Variants in CREBBP observed in about 807,000 individuals in gnomAD.
CREBBP encodes the protein CREB binding lysine acetyltransferase.
CREBBP carries 19 observed loss-of-function variants against 265.0 expected under a neutral mutation model. That is an observed-to-expected ratio of 0.07 (90% confidence interval 0.05 to 0.11). CREBBP has a LOEUF of 0.11. CREBBP is among the 10% of genes least tolerant of loss of function. The pLI is 1.00. For synonymous variants in CREBBP, 1,457 were observed against 1,223.7 expected, an observed-to-expected ratio of 1.19 and a Z score of -3.98; for missense variants, 2,525 against 3,219.0, an observed-to-expected ratio of 0.78 and a Z score of 5.22.
At chr16:3,806,303 G>A (rs538861858) in intron 3 of CREBBP, among the ~76,000 whole-genome samples, 23 of 152,222 alleles carry the variant, frequency 1.5e-4, no homozygotes, top group South Asian at 4.1e-4. Context: ...AGCAGCTGCC[G>A]TGGGCCCTGT....
chr16:3,758,123 T>C, intron 17 of CREBBP, 75 bp from the exon 18 acceptor site: 1 of 1,516,150 alleles, frequency 6.6e-7, no homozygotes, highest in South Asian at 1.2e-5. Context: ...GGCAGCTTTG[T>C]TTTAAAATAA....
intron 2 of CREBBP, among the ~76,000 whole-genome samples, chr16:3,826,408 C>T (rs1250983739): frequency 6.6e-6 from 1 of 152,006 alleles, no homozygotes; most frequent in African/African-American, 2.4e-5. Context: ...TGAGTCCTTC[C>T]AAAGAGGATG....
intron 19 of CREBBP, among the ~76,000 whole-genome samples, chr16:3,753,009 A>G (rs2052508648): frequency 6.6e-6 from 1 of 152,240 alleles, no homozygotes. Context: ...GTGGAGGTGG[A>G]TCACACAAGC....
chr16:3,848,633 A>T (rs991507769), intron 2 of CREBBP, among the ~76,000 whole-genome samples: 3 of 152,086 alleles, frequency 2.0e-5, no homozygotes, highest in African/African-American at 7.2e-5. Flanking sequence ...TCTTGAGATT[A>T]AAAAAAAGTT....
chr16:3,849,430 T>TGTGTGTGTGTGTGTGTG (rs2054752535), intron 2 of CREBBP, among the ~76,000 whole-genome samples: 3 of 8,576 alleles, frequency 3.5e-4, no homozygotes, highest in Admixed American at 1.6e-3. Flanking sequence ...TGTGTGTGTG[T>TGTGTGTGTGTGTGTGTG]GTGTGTGTGT....
chr16:3,771,768 C>T (rs1567300249), intron 13 of CREBBP, among the ~76,000 whole-genome samples: 1 of 150,268 alleles, frequency 6.7e-6, no homozygotes, highest in South Asian at 2.1e-4. Flanking sequence ...TGACAGAATT[C>T]ATCATGCAAC....
At chr16:3,779,738 TA>T (rs1394959925) in intron 8 of CREBBP, among the ~76,000 whole-genome samples, 1 of 152,048 alleles carries the variant, frequency 6.6e-6, no homozygotes, top group African/African-American at 2.4e-5. Flanking sequence ...TACTTATTAC[TA>T]AAAAAAATTT....
intron 1 of CREBBP, among the ~76,000 whole-genome samples, chr16:3,867,208 C>T (rs2055194466): frequency 6.6e-6 from 1 of 152,160 alleles, no homozygotes; most frequent in Non-Finnish European, 1.5e-5. Flanking sequence ...TCTGTGTGAG[C>T]TGGCTGCATG....
At position 3,770,593 on chromosome 16, in the gene CREBBP, G is replaced by A. The variant is rs376623633; in HGVS notation, c.2857C>T (p.His953Tyr). 6.2e-6 allele frequency: 10 copies of A among 1,613,528 alleles called. No individual in the cohort carries two copies. Among genetic ancestry groups the A allele is most frequent in the Non-Finnish European group, 8.5e-6 (10 of 1,180,002 alleles). ...QSSQQQPTPVHAQPPGTPLSQ... is the reference protein window; with the variant it reads ...QSSQQQPTPVYAQPPGTPLSQ... ...ACCGGTGTGCCAGGAGGCTGGGCGT[G>A]CACAGGCGTCGGCTGTTGCTGCGAT... is the stretch of plus-strand genomic sequence containing the variant. Residue 953 changes from histidine to tyrosine, a missense_variant, in exon 14 of 31, where the codon CAC becomes TAC. By Grantham distance (83) the His-to-Tyr change is moderately conservative. This residue lies in a region of CREBBP where 548 missense variants were observed against 533.0 expected (regional missense o/e 1.03). Transcript: ENST00000262367.
chr16:3,729,103 G>A lies in CREBBP; in HGVS notation c.5944C>T (p.Pro1982Ser), dbSNP rs376149838. The A allele has an allele frequency of 7.6e-6, 12 of 1,583,346 alleles. No homozygotes were observed. In the African/African-American group the frequency reaches 1.5e-4, roughly 20 times the overall value. Residue 1982 changes from proline to serine, a missense_variant, in exon 31 of 31, where the codon CCC becomes TCC. Physicochemically the swap from Pro to Ser is moderately conservative, Grantham distance 74 (BLOSUM62 -1). Transcript: ENST00000262367. ...GTCCCCATGCCCGTGCGTCCTGGGG[G>A]CATGCTGTTGTTGATGTTCACCCGG... ...LYRVNINNSMPPGRTGMGTPG... is the reference protein window; with the variant it reads ...LYRVNINNSMSPGRTGMGTPG...
chr16:3,835,575 TC>T (rs1351891918), intron 2 of CREBBP, among the ~76,000 whole-genome samples: 7 of 146,860 alleles, frequency 4.8e-5, no homozygotes, highest in African/African-American at 1.3e-4. Flanking sequence ...GAAGATTTCT[TC>T]TTTTTTTTTT....
intron 5 of CREBBP, among the ~76,000 whole-genome samples, chr16:3,786,267 G>C (rs1372600403): frequency 6.6e-6 from 1 of 152,196 alleles, no homozygotes; most frequent in Admixed American, 6.5e-5. Context: ...TTGGGAGGCT[G>C]AGGCAGGAGA....
intron 1 of CREBBP, among the ~76,000 whole-genome samples, chr16:3,852,157 GTTTT>G (rs910861282): frequency 2.0e-3 from 100 of 50,892 alleles, no homozygotes; most frequent in African/African-American, 7.9e-3. Context: ...TCTTAAATTT[GTTTT>G]TTTTTTTTTT....
chr16:3,832,564 T>C (rs2054363958), intron 2 of CREBBP, among the ~76,000 whole-genome samples: 1 of 152,244 alleles, frequency 6.6e-6, no homozygotes, highest in African/African-American at 2.4e-5. Flanking sequence ...TATAGCCCAC[T>C]GCTTCCAGGC....
intron 3 of CREBBP, among the ~76,000 whole-genome samples, chr16:3,797,468 TTA>T (rs1410186063): frequency 6.6e-6 from 1 of 152,174 alleles, no homozygotes; most frequent in East Asian, 1.9e-4. Context: ...ATATACTGTA[TTA>T]TTTCCTATAC....
chr16:3,852,577 A>G (rs2141507374), intron 1 of CREBBP, among the ~76,000 whole-genome samples: 1 of 152,328 alleles, frequency 6.6e-6, no homozygotes, highest in East Asian at 1.9e-4. Flanking sequence ...GATAATAAAG[A>G]CATACACAGA....
At chr16:3,780,944 G>T in intron 7 of CREBBP, 66 bp from the exon 8 acceptor site, 9 of 1,578,086 alleles carry the variant, frequency 5.7e-6, no homozygotes, top group Non-Finnish European at 7.8e-6. Context: ...TGTCTAGTAA[G>T]GTTCTTCTGC....
At chr16:3,804,663 C>T (rs1307854467) in intron 3 of CREBBP, among the ~76,000 whole-genome samples, 2 of 152,264 alleles carry the variant, frequency 1.3e-5, no homozygotes, top group African/African-American at 4.8e-5. Flanking sequence ...CTAAAAGTCA[C>T]TTCATTTCTC....
chr16:3,848,473 G>C (rs954815013), intron 2 of CREBBP, among the ~76,000 whole-genome samples: 1 of 152,094 alleles, frequency 6.6e-6, no homozygotes, highest in African/African-American at 2.4e-5. Flanking sequence ...TAGTTACTTT[G>C]TGATGTGTGA....
Sources: allele counts gnomAD v4.1 joint callset (sites outside exome capture counted in the v4.1 genomes callset), GRCh38; gene constraint gnomAD v4.1.1; regional missense constraint gnomAD v4.1.1; transcripts MANE v1.5; gene names NCBI Gene and HGNC (gene_info 2026-07-23, HGNC 2026-07-21).